The following PAICS variants were observed in gnomAD, a reference collection of about 807,000 sequenced individuals.
PAICS encodes the protein bifunctional phosphoribosylaminoimidazole carboxylase/phosphoribosylaminoimidazole succinocarboxamide synthetase.
In PAICS, 33 loss-of-function variants were observed where a neutral mutation model predicts 53.7. The ratio of observed to expected loss-of-function variants is 0.61; its 90% confidence interval spans 0.47 to 0.82. The LOEUF (loss-of-function observed/expected upper bound fraction) is 0.82, where lower values mean the gene tolerates loss of function less well. Among genes scored for constraint, PAICS ranks in the 40% least tolerant of loss-of-function variants. PAICS has a pLI of 0.00. For missense variants in PAICS, 394 were observed against 494.1 expected, an observed-to-expected ratio of 0.80 and a Z score of 1.92; for synonymous variants, 141 against 167.2, an observed-to-expected ratio of 0.84 and a Z score of 1.21.
chr4:56,438,891 A>G (rs1271692102), intron 1 of PAICS, among the ~76,000 whole-genome samples: 1 of 152,174 alleles, frequency 6.6e-6, no homozygotes, highest in Non-Finnish European at 1.5e-5. Context: ...TGGCTGCCTT[A>G]TTGGACAGCA....
chr4:56,435,908 C>T (rs1717899556), upstream of PAICS: 2 of 1,488,714 alleles, frequency 1.3e-6, no homozygotes, highest in Admixed American at 3.5e-5. Context: ...CTGCATGCTT[C>T]CCCCAGGCCG....
the PAICS span, among the ~76,000 whole-genome samples, chr4:56,414,794 G>A: frequency 6.6e-6 from 1 of 152,170 alleles, no homozygotes; most frequent in Non-Finnish European, 1.5e-5. Context: ...TAAATAACCT[G>A]GGCCCTGTTT....
intron 7 of PAICS, among the ~76,000 whole-genome samples, chr4:56,452,291 G>A (rs1033957042): frequency 7.9e-5 from 12 of 152,148 alleles, no homozygotes; most frequent in African/African-American, 2.9e-4. Flanking sequence ...CCATTCTCCT[G>A]CCTCAGCCTC....
the PAICS span, among the ~76,000 whole-genome samples, chr4:56,413,570 G>A: frequency 1.3e-5 from 2 of 152,164 alleles, no homozygotes; most frequent in East Asian, 3.9e-4. Context: ...GAGTATTGAT[G>A]GGAAGAAGGG....
At chr4:56,415,628 A>C in the PAICS span, among the ~76,000 whole-genome samples, 1 of 152,202 alleles carries the variant, frequency 6.6e-6, no homozygotes, top group Non-Finnish European at 1.5e-5. Flanking sequence ...GATACTTAAA[A>C]ACTCTAAGCT....
chr4:56,449,994 A>G (rs1055611144), intron 5 of PAICS, among the ~76,000 whole-genome samples: 2 of 151,676 alleles, frequency 1.3e-5, no homozygotes, highest in Non-Finnish European at 2.9e-5. Context: ...AAAAAGAAAG[A>G]AAAAGAATGA....
At chr4:56,429,783 TTAA>T in the PAICS span, among the ~76,000 whole-genome samples, 1 of 152,330 alleles carries the variant, frequency 6.6e-6, no homozygotes, top group Admixed American at 6.5e-5. Context: ...CTCCCAGTCA[TTAA>T]TCATCCTTCC....
the PAICS span, chr4:56,421,151 C>A: frequency 6.6e-6 from 1 of 152,384 alleles, no homozygotes; most frequent in Non-Finnish European, 1.5e-5. Context: ...TAGATTAGAA[C>A]ACTGGAGCAC....
At chr4:56,451,478 C>T (rs924607966) in intron 6 of PAICS, among the ~76,000 whole-genome samples, 1 of 152,156 alleles carries the variant, frequency 6.6e-6, no homozygotes, top group Non-Finnish European at 1.5e-5. Context: ...TTTTGAGTTA[C>T]AAGCAATTAA....
At chr4:56,453,410 T>C (rs771571231) in intron 7 of PAICS, among the ~76,000 whole-genome samples, 193 bp from the exon 8 acceptor site, 16 of 152,102 alleles carry the variant, frequency 1.1e-4, no homozygotes, top group Non-Finnish European at 2.2e-4. Flanking sequence ...ACTTGACTTA[T>C]AGTAAGTGGC....
chr4:56,440,107 A>G (rs1331674341), intron 1 of PAICS, among the ~76,000 whole-genome samples: 1 of 152,254 alleles, frequency 6.6e-6, no homozygotes, highest in Non-Finnish European at 1.5e-5. Flanking sequence ...TCTAAACTCA[A>G]TCAGCATGGC....
rs1221415176 is a variant in PAICS at position 56,451,889 on chromosome 4, A to C, written c.789A>C (p.Glu263Asp). ...TTCTTCAGTTGCTTTTGAAATCAGA[A>C]AGTCAGTGCAGGGTTGTAGTGTTGA... ...AERVELLLKS[E>D]SQCRVVVLMG... Residue 263 changes from glutamate (E) to aspartate (D), a missense_variant, in exon 7 of 9, where the codon GAA (glutamate) becomes GAC (aspartate). This residue lies in a region of PAICS where 131 missense variants were observed against 205.5 expected (regional missense o/e 0.64). Coordinates refer to ENST00000512576, the MANE Select transcript of PAICS (RefSeq NM_001079524.2). 11 of 1,557,946 alleles carry C rather than the reference A, an allele frequency of 7.1e-6. No individual in the cohort carries two copies. Among genetic ancestry groups the C allele is most frequent in the Non-Finnish European group, 9.5e-6 (11 of 1,156,252 alleles).
At chr4:56,435,618 G>A (rs1717870610), upstream of PAICS, 5 of 1,480,296 alleles carry the variant, frequency 3.4e-6, no homozygotes, top group African/African-American at 2.8e-5. Context: ...CAGCTACTGC[G>A]GCGGCGCGCG....
the PAICS span, among the ~76,000 whole-genome samples, chr4:56,428,485 T>C: frequency 6.6e-6 from 1 of 152,134 alleles, no homozygotes; most frequent in Non-Finnish European, 1.5e-5. Flanking sequence ...AATATAAAAA[T>C]GTAAAATATG....
At position 56,460,661 on chromosome 4, in the gene PAICS, T is replaced by C. The variant is rs1719463857; in HGVS notation, c.*1123T>C. 6.6e-6 allele frequency: 1 copy of C among 152,126 alleles called. No individual in the cohort carries two copies. Among genetic ancestry groups the C allele is most frequent in the Non-Finnish European group, 1.5e-5 (1 of 68,034 alleles). 9.4% of individuals were successfully genotyped at this position (152,126 alleles called of 1,614,324 possible). A position where few individuals can be genotyped will look rare whatever the true frequency, so the allele number is the denominator to read the frequency against. On this transcript the variant is annotated 3_prime_UTR_variant, in exon 9 of 9. Transcript: ENST00000512576. ...CTTGGGTTCTCCCGAAGCCTATCCA[T>C]GGTTTATAGATTAAGAATTGATGAG...
At position 56,460,183 on chromosome 4, in the gene PAICS, G is replaced by A. The variant is rs550357995; in HGVS notation, c.*645G>A. The A allele has an allele frequency of 1.3e-5, 2 of 152,190 alleles. No individual in the cohort carries two copies. The highest frequency in any genetic ancestry group is 1.9e-4 in the East Asian group (1 of 5,204). The allele number at this position is 152,190 out of a possible 1,614,324, so 9.4% of individuals were successfully genotyped here. A position where few individuals can be genotyped will look rare whatever the true frequency, so the allele number is the denominator to read the frequency against. On this transcript the variant is annotated 3_prime_UTR_variant, in exon 9 of 9. Transcript: ENST00000512576. ...GTTACAGACATGAGCCACTGTGCCTGTCTAGACTTGTACTTTCAACTGTCC... is the reference window on the plus strand; with the variant it reads ...GTTACAGACATGAGCCACTGTGCCTATCTAGACTTGTACTTTCAACTGTCC...
upstream of PAICS, among the ~76,000 whole-genome samples, chr4:56,433,397 T>TAAAAAAA (rs34598008): frequency 1.7e-5 from 2 of 118,250 alleles, no homozygotes; most frequent in African/African-American, 3.2e-5. Flanking sequence ...TGGTATTCAT[T>TAAAAAAA]AAAAAAAAAA....
chr4:56,441,646 C>T lies in PAICS; in HGVS notation c.17-17C>T, dbSNP rs1718346921. ...GAAGTTTCTGAATTTTGGTCTATTTCCATTTTATTTCCACAGTACTGAACA... is the reference window on the plus strand; with the variant it reads ...GAAGTTTCTGAATTTTGGTCTATTTTCATTTTATTTCCACAGTACTGAACA... On this transcript the variant is annotated splice_polypyrimidine_tract_variant and intron_variant, in intron 1 of 8. Transcript: ENST00000512576. The T allele has an allele frequency of 7.3e-7, 1 of 1,366,814 alleles. No homozygotes were observed. Among genetic ancestry groups the T allele is most frequent in the Non-Finnish European group, 9.8e-7 (1 of 1,016,076 alleles). 84.7% of individuals were successfully genotyped at this position (1,366,814 alleles called of 1,614,324 possible).
At chr4:56,434,007 T>C (rs1229797753), upstream of PAICS, among the ~76,000 whole-genome samples, 1 of 152,190 alleles carries the variant, frequency 6.6e-6, no homozygotes, top group African/African-American at 2.4e-5. Flanking sequence ...CTAAGAATGT[T>C]ACAAACTAAT....
Sources: gnomAD v4.1 joint callset for allele counts (sites outside exome capture counted in the v4.1 genomes callset) on GRCh38, gnomAD v4.1.1 for gene constraint, gnomAD v4.1.1 regional missense constraint, MANE v1.5 for transcripts, NCBI Gene and HGNC (gene_info 2026-07-23, HGNC 2026-07-21) for gene names.